Variants in RIMS1 observed in about 807,000 individuals in gnomAD.
RIMS1 encodes regulating synaptic membrane exocytosis 1.
Under a neutral mutation model 214.1 loss-of-function variants are expected in RIMS1, and 83 were observed. That is an observed-to-expected ratio of 0.39 (90% confidence interval 0.32 to 0.47). The LOEUF (loss-of-function observed/expected upper bound fraction) is 0.47. Ranked by LOEUF, RIMS1 falls within the 20% of genes least tolerant of loss-of-function variation. The pLI is 0.99. For missense variants in RIMS1, 2,050 were observed against 2,161.8 expected, an observed-to-expected ratio of 0.95 and a Z score of 1.03; for synonymous variants, 793 against 786.8, an observed-to-expected ratio of 1.01 and a Z score of -0.13.
intron 29 of RIMS1, among the ~76,000 whole-genome samples, chr6:72,356,131 T>C (rs377281072): frequency 1.3e-5 from 2 of 152,190 alleles, no homozygotes; most frequent in East Asian, 3.9e-4. Context: ...CTCTAAATTA[T>C]GTCCACTTTA....
chr6:72,252,702 C>A, intron 15 of RIMS1, 59 bp from the exon 16 acceptor site: 1 of 1,437,210 alleles, frequency 7.0e-7, no homozygotes, highest in South Asian at 1.2e-5. Context: ...TGACAGTGCT[C>A]TTTACGTTTC....
chr6:72,201,490 T>G (rs1268727314), intron 6 of RIMS1, among the ~76,000 whole-genome samples: 1 of 152,212 alleles, frequency 6.6e-6, no homozygotes, highest in East Asian at 1.9e-4. Flanking sequence ...GTTGTCCTTA[T>G]TTTGGTTCAA....
At chr6:72,126,859 A>T (rs2039621545) in intron 4 of RIMS1, among the ~76,000 whole-genome samples, 1 of 152,160 alleles carries the variant, frequency 6.6e-6, no homozygotes, top group African/African-American at 2.4e-5. Context: ...CAACTATGGA[A>T]AACAGTTTGG....
At chr6:71,910,909 T>C (rs561777366) in intron 1 of RIMS1, among the ~76,000 whole-genome samples, 6 of 152,108 alleles carry the variant, frequency 3.9e-5, no homozygotes, top group African/African-American at 1.2e-4. Flanking sequence ...GAGGATGAGA[T>C]GATCAATCTG....
chr6:72,381,964 C>G (rs2098498531), intron 29 of RIMS1, among the ~76,000 whole-genome samples: 1 of 152,138 alleles, frequency 6.6e-6, no homozygotes, highest in Non-Finnish European at 1.5e-5. Context: ...AAGTACATCA[C>G]TAGGAAAGAT....
chr6:72,104,021 TC>T (rs1268140425), intron 4 of RIMS1, among the ~76,000 whole-genome samples: 1 of 152,168 alleles, frequency 6.6e-6, no homozygotes, highest in Admixed American at 6.6e-5. Context: ...TTTTAGAAGT[TC>T]ATTTTTTTCT....
At chr6:72,324,354 G>A (rs549557390) in intron 28 of RIMS1, among the ~76,000 whole-genome samples, 62 of 152,084 alleles carry the variant, frequency 4.1e-4, no homozygotes, top group Admixed American at 6.6e-4. Context: ...TGGTTAAAAT[G>A]TCTAACTTGA....
At chr6:72,294,551 A>G (rs1183702186) in intron 26 of RIMS1, among the ~76,000 whole-genome samples, 1 of 151,802 alleles carries the variant, frequency 6.6e-6, no homozygotes, top group African/African-American at 2.4e-5. Context: ...AGGCACTTAT[A>G]AAATAATTTT....
intron 2 of RIMS1, among the ~76,000 whole-genome samples, chr6:72,053,741 A>G (rs375652391): frequency 6.6e-6 from 1 of 152,156 alleles, no homozygotes; most frequent in Non-Finnish European, 1.5e-5. Context: ...CAGGAAATAA[A>G]TTCAGGTTTA....
intron 28 of RIMS1, among the ~76,000 whole-genome samples, chr6:72,333,138 T>C (rs1375704488): frequency 1.3e-5 from 2 of 151,974 alleles, no homozygotes; most frequent in Non-Finnish European, 2.9e-5. Context: ...AAAGGGAAAT[T>C]AGAACAAATA....
At chr6:71,949,390 C>G (rs1029376108) in intron 1 of RIMS1, among the ~76,000 whole-genome samples, 59 of 152,082 alleles carry the variant, frequency 3.9e-4, no homozygotes, top group Non-Finnish European at 1.5e-4. Context: ...CTGCTCTATT[C>G]GCCATGCATC....
intron 23 of RIMS1, among the ~76,000 whole-genome samples, chr6:72,277,755 A>C (rs922753071): frequency 1.3e-5 from 2 of 152,168 alleles, no homozygotes; most frequent in Admixed American, 1.3e-4. Context: ...CATTCCAATA[A>C]CAAAGCATCT....
intron 6 of RIMS1, among the ~76,000 whole-genome samples, chr6:72,227,219 A>G (rs146002588): frequency 6.6e-6 from 1 of 152,158 alleles, no homozygotes; most frequent in East Asian, 1.9e-4. Context: ...TCAAATAAGT[A>G]AACTGCTGGG....
At chr6:72,114,081 T>C (rs1587330085) in intron 4 of RIMS1, among the ~76,000 whole-genome samples, 1 of 152,218 alleles carries the variant, frequency 6.6e-6, no homozygotes, top group Non-Finnish European at 1.5e-5. Flanking sequence ...GTTTCAAATG[T>C]AGAAACTCAT....
At chr6:72,180,814 T>G (rs569327567) in intron 5 of RIMS1, among the ~76,000 whole-genome samples, 1 of 152,284 alleles carries the variant, frequency 6.6e-6, no homozygotes, top group South Asian at 2.1e-4. Context: ...TTGAACCCCT[T>G]TTCAAGCAAA....
intron 4 of RIMS1, among the ~76,000 whole-genome samples, chr6:72,104,402 A>G (rs554561422): frequency 6.6e-6 from 1 of 152,348 alleles, no homozygotes; most frequent in Non-Finnish European, 1.5e-5. Flanking sequence ...ATTTTCTGTC[A>G]TCTGCCACCC....
intron 1 of RIMS1, among the ~76,000 whole-genome samples, chr6:71,956,424 AT>A (rs1224044284): frequency 6.6e-6 from 1 of 152,202 alleles, no homozygotes; most frequent in Non-Finnish European, 1.5e-5. Context: ...CAGAGTTATT[AT>A]AGTAAACTTT....
intron 29 of RIMS1, among the ~76,000 whole-genome samples, chr6:72,334,691 C>G (rs2096781057): frequency 6.6e-6 from 1 of 151,856 alleles, no homozygotes; most frequent in Non-Finnish European, 1.5e-5. Flanking sequence ...AGAGCCTTAT[C>G]ACAAAATTTA....
chr6:72,256,564 C>A (rs903642907), intron 16 of RIMS1, among the ~76,000 whole-genome samples: 1 of 151,962 alleles, frequency 6.6e-6, no homozygotes, highest in Non-Finnish European at 1.5e-5. Flanking sequence ...TCACTTAAAT[C>A]TCGAAATAGG....
Sources: gnomAD v4.1 joint callset for allele counts (sites outside exome capture counted in the v4.1 genomes callset) on GRCh38, gnomAD v4.1.1 for gene constraint, MANE v1.5 for transcripts, NCBI Gene and HGNC (gene_info 2026-07-23, HGNC 2026-07-21) for gene names.